The following HUWE1 variants were observed in gnomAD, a reference collection of about 807,000 sequenced individuals.
HUWE1 encodes the protein HECT, UBA and WWE domain containing E3 ubiquitin protein ligase 1.
HUWE1 carries 18 observed loss-of-function variants against 299.4 expected under a neutral mutation model. The ratio of observed to expected loss-of-function variants is 0.06; its 90% CI spans 0.04 to 0.09. HUWE1 has a LOEUF of 0.09. Ranked by LOEUF, HUWE1 falls within the 10% of genes least tolerant of loss-of-function variation. HUWE1 has a pLI of 1.00. For synonymous variants in HUWE1, 1,317 were observed against 1,286.1 expected (o/e 1.02, Z -0.51); for missense variants, 1,832 against 3,462.3 (o/e 0.53, Z 11.82).
Position 53,620,661 on chromosome X carries a change from A to G in HUWE1, c.1673-3215T>C, listed in dbSNP as rs184896958. Among the ~76,000 whole-genome samples, 16 of 111,696 alleles carry G rather than the reference A, an allele frequency of 1.4e-4. No homozygotes were observed. In the East Asian group the frequency reaches 3.9e-3, roughly 28 times the overall value. ...TCTTAAATTGATCTCTCTTTTGCCG[A>G]TTGCCTTAGTTGTATGACATCTGAA... is the stretch of plus-strand genomic sequence containing the variant. On this transcript the variant is annotated intron_variant, in intron 19 of 83. Coordinates refer to ENST00000262854, the MANE Select transcript of HUWE1 (RefSeq NM_031407.7).
chrX:53,614,260 T>G (rs1280202733), intron 23 of HUWE1, among the ~76,000 whole-genome samples: 1 of 110,439 alleles, frequency 9.1e-6, no homozygotes, highest in African/African-American at 3.3e-5. Flanking sequence ...AGCAAAACTC[T>G]CTCTCAAAAA....
In HUWE1 at chrX:53,562,095, C is replaced by T. The variant is rs782156028; in HGVS notation, c.7338+16G>A. 4.9e-5 allele frequency: 59 copies of T among 1,208,296 alleles called. No individual in the cohort carries two copies. The highest frequency in any genetic ancestry group is 6.0e-5 in the Non-Finnish European group (54 of 894,468). On this transcript the variant is annotated intron_variant, in intron 54 of 83. Coordinates refer to ENST00000262854, the MANE Select transcript of HUWE1 (RefSeq NM_031407.7). ...AAGAGGTCATCTGAACCAACCCAAA[C>T]GCAGTCCCCCCTCACCTGATCATCT...
At chrX:53,548,903 C>G in intron 67 of HUWE1, 56 bp downstream of exon 67, 8 of 1,049,544 alleles carry the variant, frequency 7.6e-6, no homozygotes, top group African/African-American at 1.8e-5. Flanking sequence ...AACTTTCACC[C>G]AGGCTCTTGC....
chrX:53,535,638 T>C, intron 80 of HUWE1, 137 bp from the exon 81 acceptor site: 1 of 520,908 alleles, frequency 1.9e-6, no homozygotes, highest in South Asian at 2.5e-5. Context: ...AGTGACTTTT[T>C]CTACTACTCA....
chrX:53,644,460 T>G (rs1352299302), intron 7 of HUWE1, among the ~76,000 whole-genome samples: 1 of 111,899 alleles, frequency 8.9e-6, no homozygotes, highest in Non-Finnish European at 1.9e-5. Flanking sequence ...TTACAGTATC[T>G]TAAGAAAACA....
At chrX:53,590,121 T>C (rs1030846974) in intron 35 of HUWE1, among the ~76,000 whole-genome samples, 1 of 112,149 alleles carries the variant, frequency 8.9e-6, no homozygotes, top group Non-Finnish European at 1.9e-5. Flanking sequence ...AAAGTAACTG[T>C]CACCTAGAAA....
chrX:53,680,771 T>C (rs942463962), intron 2 of HUWE1: 1 of 112,398 alleles, frequency 8.9e-6, no homozygotes, highest in Admixed American at 9.4e-5. Flanking sequence ...AAGGGTCAAA[T>C]TGAAATTGAG....
At chrX:53,557,072 G>A in intron 60 of HUWE1, 1 of 380,031 alleles carries the variant, frequency 2.6e-6, no homozygotes, top group Non-Finnish European at 4.9e-6. Flanking sequence ...CTGTTTCAGA[G>A]GACAGAGTTG....
intron 31 of HUWE1, 100 bp downstream of exon 31, chrX:53,594,399 C>T (rs2064338870): frequency 2.2e-6 from 2 of 896,949 alleles, no homozygotes; most frequent in South Asian, 4.3e-5. Flanking sequence ...ATATATCCCA[C>T]TGTTACAAGA....
intron 31 of HUWE1, among the ~76,000 whole-genome samples, chrX:53,594,046 G>C (rs266783): frequency 0.35 from 38,847 of 109,572 alleles, 5,822 homozygotes; most frequent in South Asian, 0.53. Context: ...GCAGTGAGTT[G>C]AGTTTGCGCC....
chrX:53,549,784 C>T (rs1183813730), intron 66 of HUWE1, among the ~76,000 whole-genome samples: 1 of 107,484 alleles, frequency 9.3e-6, no homozygotes, highest in African/African-American at 3.4e-5. Context: ...TGGAGTCTCG[C>T]TCTGTCACCC....
chrX:53,540,083 C>G (rs782263035), intron 74 of HUWE1, among the ~76,000 whole-genome samples: 2 of 112,328 alleles, frequency 1.8e-5, no homozygotes, highest in Non-Finnish European at 3.8e-5. Context: ...TACTGCAGAT[C>G]CAGATAGTGC....
chrX:53,575,706 C>T lies in HUWE1; in HGVS notation c.5967G>A (p.Gln1989=). ...LLQDMGDDVY[Q]QYRSLTRQSS... is the part of the protein sequence containing the mutation. ...TCTGACGCGTAAGTGACCGGTACTG[C>T]TGGTATACATCATCACCCATGTCTT... The change falls in exon 45 of 84, where the codon CAG becomes CAA. Residue 1989 remains glutamine, a synonymous_variant. Coordinates refer to ENST00000262854, the MANE Select transcript of HUWE1 (RefSeq NM_031407.7). 8.3e-7 allele frequency: 1 copy of T among 1,210,940 alleles called. No individual in the cohort carries two copies. Among genetic ancestry groups the T allele is most frequent in the Non-Finnish European group, 1.1e-6 (1 of 894,466 alleles).
chrX:53,594,719 TG>T (rs1466623751), intron 30 of HUWE1, 98 bp from the exon 31 acceptor site: 1 of 844,194 alleles, frequency 1.2e-6, no homozygotes, highest in African/African-American at 2.0e-5. Flanking sequence ...ATTTACACAC[TG>T]AAGTGACACC....
Position 53,627,563 on chromosome X carries a change from ATTTT to A in HUWE1, c.1384-52_1384-49del, listed in dbSNP as rs200854973. The A allele has an allele frequency of 5.7e-4, 359 of 633,303 alleles. 11 individuals carry two copies. Among genetic ancestry groups the A allele is most frequent in the African/African-American group, 1.3e-3 (45 of 34,437 alleles). The allele number at this position is 633,303 out of a possible 1,213,427, so 52.2% of individuals were successfully genotyped here. Reference sequence around the variant, plus strand: ...AAGAAAATCAAGTATATATATATATATTTTTTTTTTCAGGGATTAAAAACTATTA... The same window carrying A: ...AAGAAAATCAAGTATATATATATATATTTTTTCAGGGATTAAAAACTATTA... On this transcript the variant is annotated intron_variant, in intron 16 of 83. Transcript: ENST00000262854.
At chrX:53,597,213 G>C (rs1278600658) in intron 29 of HUWE1, among the ~76,000 whole-genome samples, 1 of 110,733 alleles carries the variant, frequency 9.0e-6, no homozygotes, top group Admixed American at 9.7e-5. Context: ...AGGAGAAGCA[G>C]CTTCTGACAA....
intron 19 of HUWE1, among the ~76,000 whole-genome samples, chrX:53,623,505 T>C (rs782083462): frequency 8.0e-4 from 90 of 112,193 alleles, no homozygotes; most frequent in South Asian, 4.8e-3. Context: ...TGACAAAACC[T>C]TCAACACAAA....
chrX:53,651,926 T>G (rs1421476072), intron 4 of HUWE1, among the ~76,000 whole-genome samples: 1 of 111,893 alleles, frequency 8.9e-6, no homozygotes, highest in South Asian at 3.7e-4. Flanking sequence ...TCACTTTGCC[T>G]AATGTCTTCC....
At chrX:53,620,875 T>G (rs1557011826) in intron 19 of HUWE1, among the ~76,000 whole-genome samples, 1 of 110,964 alleles carries the variant, frequency 9.0e-6, no homozygotes, top group Non-Finnish European at 1.9e-5. Flanking sequence ...CACAGAAAAT[T>G]GAGGGCCCTC....
Sources: gnomAD v4.1 joint callset for allele counts (sites outside exome capture counted in the v4.1 genomes callset) on GRCh38, gnomAD v4.1.1 for gene constraint, MANE v1.5 for transcripts, NCBI Gene and HGNC (gene_info 2026-07-23, HGNC 2026-07-21) for gene names.